GALNT2: variants seen among roughly 807,000 people sequenced by gnomAD.
The protein encoded by GALNT2 is polypeptide N-acetylgalactosaminyltransferase 2.
Under a neutral mutation model 81.4 loss-of-function variants are expected in GALNT2, and 31 were observed. That is an observed-to-expected ratio of 0.38 (90% CI 0.29 to 0.51). The LOEUF (loss-of-function observed/expected upper bound fraction) is 0.51. Ranked by LOEUF, GALNT2 falls within the 20% of genes least tolerant of loss-of-function variation. The pLI is 0.87. For synonymous variants in GALNT2, 303 were observed against 287.4 expected, an observed-to-expected ratio of 1.05 and a Z score of -0.55; for missense variants, 629 against 765.7, an observed-to-expected ratio of 0.82 and a Z score of 2.11.
intron 3 of GALNT2, among the ~76,000 whole-genome samples, chr1:230,215,468 C>T (rs761500120): frequency 6.6e-6 from 1 of 152,200 alleles, no homozygotes; most frequent in Non-Finnish European, 1.5e-5. Context: ...TATTTCATCC[C>T]GAATTTCTGG....
chr1:230,097,156 T>A (rs912350286), intron 1 of GALNT2, among the ~76,000 whole-genome samples: 1 of 152,204 alleles, frequency 6.6e-6, no homozygotes, highest in Non-Finnish European at 1.5e-5. Context: ...TCCAGATTGT[T>A]AAAACACTGA....
rs1321452230 is a variant in GALNT2, at chr1:230,257,633, A to T, written c.1136+2289A>T. On this transcript the variant is annotated intron_variant, in intron 11 of 15. Coordinates refer to ENST00000366672, the MANE Select transcript of GALNT2 (RefSeq NM_004481.5). The surrounding 1 kb of genome is among the most constrained non-coding windows in gnomAD (Gnocchi z 4.6). ...TCTATGATGTTCACACAACGACAAC[A>T]TCGCCTAAGGATGCATTTTTCAGGT... is the stretch of plus-strand genomic sequence containing the variant. Among the ~76,000 whole-genome samples, 1 of 152,220 alleles carries T rather than the reference A, an allele frequency of 6.6e-6. No individual in the cohort carries two copies. The highest frequency in any genetic ancestry group is 1.5e-5 in the Non-Finnish European group (1 of 68,048).
chr1:230,206,293 T>C (rs1487286621), intron 3 of GALNT2, among the ~76,000 whole-genome samples: 1 of 152,048 alleles, frequency 6.6e-6, no homozygotes, highest in East Asian at 1.9e-4. Flanking sequence ...TTTCAAAGTT[T>C]TTGAAATATG....
At chr1:230,154,083 A>T (rs749444236) in intron 1 of GALNT2, among the ~76,000 whole-genome samples, 1 of 152,146 alleles carries the variant, frequency 6.6e-6, no homozygotes, top group South Asian at 2.1e-4. Context: ...CTTTTTGAAA[A>T]GAGCTTGCAT....
At chr1:230,207,240 G>A (rs1014292264) in intron 3 of GALNT2, among the ~76,000 whole-genome samples, 1 of 152,000 alleles carries the variant, frequency 6.6e-6, no homozygotes, top group African/African-American at 2.4e-5. Context: ...TACAGGAGAA[G>A]GAAAGGGGGA....
chr1:230,200,745 T>A (rs1168783609), intron 2 of GALNT2, among the ~76,000 whole-genome samples: 3 of 152,142 alleles, frequency 2.0e-5, no homozygotes, highest in Non-Finnish European at 4.4e-5. Flanking sequence ...AGCACGCCGG[T>A]GAGAAGCAAG....
intron 1 of GALNT2, among the ~76,000 whole-genome samples, chr1:230,146,831 C>T (rs920457600): frequency 7.2e-5 from 11 of 152,154 alleles, no homozygotes; most frequent in African/African-American, 2.2e-4. Context: ...GGCGGGGAGG[C>T]GTTATGCTGG....
At chr1:230,172,557 C>T (rs573410920) in intron 1 of GALNT2, among the ~76,000 whole-genome samples, 1 of 152,310 alleles carries the variant, frequency 6.6e-6, no homozygotes, top group Non-Finnish European at 1.5e-5. Context: ...CTCTGGGAAA[C>T]GAATGGTTGG....
At chr1:230,139,972 A>G (rs962789204) in intron 1 of GALNT2, among the ~76,000 whole-genome samples, 1 of 152,214 alleles carries the variant, frequency 6.6e-6, no homozygotes, top group African/African-American at 2.4e-5. Flanking sequence ...GGAAGGGACC[A>G]TAAAGATGAA....
intron 1 of GALNT2, among the ~76,000 whole-genome samples, chr1:230,134,940 C>T (rs1016338616): frequency 2.6e-5 from 4 of 152,222 alleles, no homozygotes; most frequent in African/African-American, 4.8e-5. Context: ...TAAGTATGAT[C>T]AGTGTGAACT....
At chr1:230,094,594 C>T (rs1660190293) in intron 1 of GALNT2, among the ~76,000 whole-genome samples, 1 of 152,182 alleles carries the variant, frequency 6.6e-6, no homozygotes, top group Admixed American at 6.5e-5. Context: ...GCTGAGACTG[C>T]ATCACTGCAC....
chr1:230,082,023 A>T (rs1436026196), intron 1 of GALNT2, among the ~76,000 whole-genome samples: 4 of 152,154 alleles, frequency 2.6e-5, no homozygotes, highest in Non-Finnish European at 5.9e-5. Context: ...GTCTGGCTTG[A>T]CTTCTCTGAC....
intron 1 of GALNT2, among the ~76,000 whole-genome samples, chr1:230,124,166 C>T (rs576079101): frequency 1.3e-5 from 2 of 152,212 alleles, no homozygotes; most frequent in African/African-American, 2.4e-5. Context: ...GAATATTACC[C>T]GGCCTGGATT....
rs1666406435 is a variant in GALNT2, at chr1:230,280,448, T to G, written c.*990T>G. 2 of 189,366 alleles carry G rather than the reference T, an allele frequency of 1.1e-5. No individual in the cohort carries two copies. Among genetic ancestry groups the G allele is most frequent in the East Asian group, 1.2e-4 (1 of 8,452 alleles). The allele number at this position is 189,366 out of a possible 1,614,324, so 11.7% of individuals were successfully genotyped here. A position where few individuals can be genotyped will look rare whatever the true frequency, so the allele number is the denominator to read the frequency against. ...CATTAAATTTCTTTTCTCTAAGGAA[T>G]ATAAGACATACCCCATAGCTCTGTG... is the stretch of plus-strand genomic sequence containing the variant. On this transcript the variant is annotated 3_prime_UTR_variant, in exon 16 of 16. Transcript: ENST00000366672.
intron 1 of GALNT2, among the ~76,000 whole-genome samples, chr1:230,154,202 A>G (rs747398093): frequency 4.6e-5 from 7 of 152,248 alleles, no homozygotes; most frequent in Non-Finnish European, 7.3e-5. Flanking sequence ...TCAGAAGTCA[A>G]GCTGCCGTCC....
chr1:230,243,170 A>AG lies in GALNT2; in HGVS notation c.608-135dup. ...TCATGGAGCAGTTTTGATCTCATCC[A>AG]GCAAGTTTACAGTAATGTCCGTGCC... On this transcript the variant is annotated intron_variant, in intron 6 of 15. Coordinates refer to ENST00000366672, the MANE Select transcript of GALNT2 (RefSeq NM_004481.5). This position sits in a 1 kb window ranked among gnomAD's most constrained non-coding sequence, Gnocchi z 4.2. The AG allele has an allele frequency of 5.2e-6, 6 of 1,158,930 alleles. No homozygotes were observed. Among genetic ancestry groups the AG allele is most frequent in the Non-Finnish European group, 7.1e-6 (6 of 845,374 alleles). The allele number at this position is 1,158,930 out of a possible 1,614,324, so 71.8% of individuals were successfully genotyped here. A position where few individuals can be genotyped will look rare whatever the true frequency, so the allele number is the denominator to read the frequency against.
At chr1:230,203,049 T>C in intron 2 of GALNT2, 88 bp from the exon 3 acceptor site, 1 of 1,402,284 alleles carries the variant, frequency 7.1e-7, no homozygotes. Flanking sequence ...ATGGATGTGA[T>C]TTCTGGAGTT....
chr1:230,072,546 G>A (rs962446762), intron 1 of GALNT2, among the ~76,000 whole-genome samples: 3 of 152,196 alleles, frequency 2.0e-5, no homozygotes, highest in Admixed American at 6.5e-5. Flanking sequence ...ACCTGGCCAA[G>A]TCTATGCTCC....
At position 230,236,720 on chromosome 1, in the gene GALNT2, G is replaced by C. The variant is rs1005858133; in HGVS notation, c.602G>C (p.Arg201Pro). The change falls in exon 6 of 16, where the codon CGA (arginine) becomes CCA (proline). Residue 201 changes from arginine (R) to proline (P), a missense_variant. Physicochemically the swap from Arg to Pro is moderately radical, Grantham distance 103. Transcript: ENST00000366672. The part of the protein sequence containing the change: ...EKVRVLRNDR[R>P]EGLMRSRVRG... ...GTGCGAGTTCTTAGAAATGATCGACGAGAAGGTAAGATTCTTCTTAATTCA... is the reference window on the plus strand; with the variant it reads ...GTGCGAGTTCTTAGAAATGATCGACCAGAAGGTAAGATTCTTCTTAATTCA... 6.2e-7 allele frequency: 1 copy of C among 1,613,308 alleles called. No individual in the cohort carries two copies. Among genetic ancestry groups the C allele is most frequent in the Non-Finnish European group, 8.5e-7 (1 of 1,179,834 alleles).
Sources: allele counts gnomAD v4.1 joint callset (sites outside exome capture counted in the v4.1 genomes callset), GRCh38; gene constraint gnomAD v4.1.1; non-coding constraint Gnocchi (gnomAD v3.1); transcripts MANE v1.5; gene names NCBI Gene and HGNC (gene_info 2026-07-23, HGNC 2026-07-21).